ATG2A: variants seen among roughly 807,000 people sequenced by gnomAD.
ATG2A encodes the protein autophagy-related protein 2 homolog A.
In ATG2A, 103 loss-of-function variants were observed where a neutral mutation model predicts 214.2. The ratio of observed to expected loss-of-function variants is 0.48; its 90% CI spans 0.41 to 0.57. The LOEUF is 0.57. Ranked by LOEUF, ATG2A falls within the 20% of genes least tolerant of loss-of-function variation. ATG2A has a pLI of 0.00. For missense variants in ATG2A, 2,312 were observed against 2,613.2 expected (o/e 0.88, Z 2.51); for synonymous variants, 1,160 against 1,142.1 (o/e 1.02, Z -0.32).
At chr11:64,911,813 TGGAGTAC>T in intron 9 of ATG2A, 22 bp downstream of exon 9, 1 of 1,611,494 alleles carries the variant, frequency 6.2e-7, no homozygotes, top group Non-Finnish European at 8.5e-7. Flanking sequence ...TTCCTGTCCC[TGGAGTAC>T]CCCCAGGGTG....
intron 29 of ATG2A, 70 bp from the exon 30 acceptor site, chr11:64,901,162 C>T: frequency 6.9e-7 from 1 of 1,447,536 alleles, no homozygotes; most frequent in Non-Finnish European, 9.3e-7. Context: ...GCCCCAGCAA[C>T]CTGGCCTCAC....
rs570641768 is a variant in ATG2A, at chr11:64,906,656, G to A, written c.2983+9C>T. 1.2e-6 allele frequency: 2 copies of A among 1,613,364 alleles called. No homozygotes were observed. The highest frequency in any genetic ancestry group is 2.7e-5 in the African/African-American group (2 of 75,056). On this transcript the variant is annotated intron_variant, in intron 20 of 40. Transcript: ENST00000377264. ...GACCCCAGTGGTGACCTGCCCCCAG[G>A]CCTCACACCTCGGTGGTAGAGTGTT...
Position 64,909,376 on chromosome 11 carries a change from G to T in ATG2A, c.2108-9C>A. The T allele has an allele frequency of 6.2e-7, 1 of 1,609,324 alleles. No homozygotes were observed. The highest frequency in any genetic ancestry group is 8.5e-7 in the Non-Finnish European group (1 of 1,176,834). On this transcript the variant is annotated splice_polypyrimidine_tract_variant and intron_variant, in intron 14 of 40. Coordinates refer to ENST00000377264, the MANE Select transcript of ATG2A (RefSeq NM_015104.3). ...TCCATCTTCATAGATACCTGGAGGG[G>T]GATGGGGAATTAGGGGGGTCATCAC... is the stretch of plus-strand genomic sequence containing the variant.
In ATG2A at chr11:64,913,942, G is replaced by A; in HGVS notation, c.488-19C>T. ...CGAAGCACTGAGGAGTTGGGGAGGG[G>A]TCTCAGGTCAGGTAGAGCAGCAAAG... On this transcript the variant is annotated intron_variant, in intron 3 of 40. Coordinates refer to ENST00000377264, the MANE Select transcript of ATG2A (RefSeq NM_015104.3). The surrounding 1 kb of genome is among the most constrained non-coding windows in gnomAD (Gnocchi z 4.3). 4.3e-6 allele frequency: 7 copies of A among 1,612,456 alleles called. No individual in the cohort carries two copies. Among genetic ancestry groups the A allele is most frequent in the Non-Finnish European group, 5.9e-6 (7 of 1,178,952 alleles).
At chr11:64,916,464 C>T (rs1365541293) in intron 1 of ATG2A, among the ~76,000 whole-genome samples, 7 of 152,292 alleles carry the variant, frequency 4.6e-5, no homozygotes, top group Admixed American at 6.5e-5. Flanking sequence ...CATACACATC[C>T]GGTGGTTTGT....
In ATG2A at chr11:64,903,724, G is replaced by A. The variant is rs759941026; in HGVS notation, c.3465-64C>T. On this transcript the variant is annotated intron_variant, in intron 24 of 40. Transcript: ENST00000377264. This position sits in a 1 kb window ranked among gnomAD's most constrained non-coding sequence, Gnocchi z 4.2. ...TGCAGGGGGCAGCTCCACGGGAGCC[G>A]AGCAGAGGGGTCCCAAGCCCACAGG... 13 of 1,467,198 alleles carry A rather than the reference G, an allele frequency of 8.9e-6. No individual in the cohort carries two copies. The East Asian group carries it at 1.0e-4, about 11-fold the overall frequency. The allele number at this position is 1,467,198 out of a possible 1,614,324, so 90.9% of individuals were successfully genotyped here.
At position 64,907,531 on chromosome 11, in the gene ATG2A, T is replaced by A; in HGVS notation, c.2641A>T (p.Lys881Ter). ...DSFKMCKSAF[K>*]LANCFDLTPD... is the part of the protein sequence containing the mutation. ...GCGTTAGCACCTCTCATACCCAGCTTGAAGGCTGACTTGCACATCTTAAAG... is the reference window on the plus strand; with the variant it reads ...GCGTTAGCACCTCTCATACCCAGCTAGAAGGCTGACTTGCACATCTTAAAG... Residue 881 changes from lysine to a stop codon, truncating the protein, a stop_gained, in exon 18 of 41, where the codon AAG (lysine) becomes TAG (stop). Coordinates refer to ENST00000377264, the MANE Select transcript of ATG2A (RefSeq NM_015104.3). LOFTEE classifies it high-confidence loss of function. The A allele has an allele frequency of 6.2e-7, 1 of 1,610,984 alleles. No homozygotes were observed. The highest frequency in any genetic ancestry group is 8.5e-7 in the Non-Finnish European group (1 of 1,179,250).
At chr11:64,900,024 A>AT (rs774843952) in intron 31 of ATG2A, among the ~76,000 whole-genome samples, 5,446 of 71,110 alleles carry the variant, frequency 0.077, 144 homozygotes, top group South Asian at 0.14. Flanking sequence ...GCAAATGGTT[A>AT]ATTTTTTTTT....
intron 26 of ATG2A, 127 bp from the exon 27 acceptor site, chr11:64,902,807 T>G (rs1944405151): frequency 1.2e-6 from 1 of 802,198 alleles, no homozygotes; most frequent in Admixed American, 2.5e-5. Flanking sequence ...TGGTCTCTCC[T>G]GGAGTGGATG....
intron 16 of ATG2A, among the ~76,000 whole-genome samples, chr11:64,908,668 G>A (rs933002449): frequency 6.6e-6 from 1 of 152,212 alleles, no homozygotes; most frequent in Non-Finnish European, 1.5e-5. Context: ...TGATGACACA[G>A]TCACCAAGTG....
chr11:64,897,821 C>G lies in ATG2A; in HGVS notation c.4994+18G>C. The G allele has an allele frequency of 6.2e-7, 1 of 1,613,030 alleles. No homozygotes were observed. Among genetic ancestry groups the G allele is most frequent in the South Asian group, 1.1e-5 (1 of 91,000 alleles). The stretch of plus-strand genomic sequence containing the variant: ...GCAATCTGGCCCAGGGCCCCCCACC[C>G]GCAGTCCAGCAGCCTACCTGAAGTA... On this transcript the variant is annotated intron_variant, in intron 35 of 40. Transcript: ENST00000377264.
chr11:64,897,528 G>T, intron 36 of ATG2A, 34 bp from the exon 37 acceptor site: 1 of 1,589,850 alleles, frequency 6.3e-7, no homozygotes, highest in South Asian at 1.1e-5. Context: ...TTTACCCAAT[G>T]GGACTCAGGG....
At chr11:64,908,864 G>T in intron 16 of ATG2A, 127 bp downstream of exon 16, 4 of 1,014,238 alleles carry the variant, frequency 3.9e-6, no homozygotes, top group Non-Finnish European at 5.7e-6. Flanking sequence ...CACTGGTGTT[G>T]GGTCAGCTCA....
rs1230789952 is a variant in ATG2A, at chr11:64,916,974, C to T, written c.162G>A (p.Leu54=). 1.2e-6 allele frequency: 2 copies of T among 1,613,354 alleles called. No homozygotes were observed. The highest frequency in any genetic ancestry group is 3.3e-5 in the Admixed American group (2 of 60,008). ...GGGCCTGGCTCCTCACCCAGATTTC[C>T]AGGTGGATGTCTCGCAGGGCAACGC... ...KGSVALRDIH[L]EIWSVNEVLE... is the part of the protein sequence containing the mutation. Residue 54 remains leucine (L), a synonymous_variant, in exon 1 of 41, where the codon CTG becomes CTA. Coordinates refer to ENST00000377264, the MANE Select transcript of ATG2A (RefSeq NM_015104.3).
Position 64,903,348 on chromosome 11 carries a change from C to T in ATG2A, c.3552G>A (p.Leu1184=). 1 of 1,614,136 alleles carries T rather than the reference C, an allele frequency of 6.2e-7. No individual in the cohort carries two copies. Among genetic ancestry groups the T allele is most frequent in the East Asian group, 2.2e-5 (1 of 44,882 alleles). The change falls in exon 26 of 41, where the codon TTG becomes TTA. Residue 1184 remains leucine, a synonymous_variant. Transcript: ENST00000377264. This position sits in a 1 kb window ranked among gnomAD's most constrained non-coding sequence, Gnocchi z 4.2. ...TCACAAGTTCCAAGAGGTCAACATC[C>T]AAAACACAGACATAATCTGCAGCAG... ...LDLRRDYVCV[L]DVDLLELVIK...
rs994305212 is a variant in ATG2A, at chr11:64,909,359, C to T, written c.2116G>A (p.Glu706Lys). The part of the protein sequence containing the change: ...LTCSDLHGIY[E>K]DGGKPPVPCL... The stretch of plus-strand genomic sequence containing the variant: ...GGGACAGGTGGCTTCCCTCCATCTT[C>T]ATAGATACCTGGAGGGGGATGGGGA... Residue 706 changes from glutamate (E) to lysine (K), a missense_variant, in exon 15 of 41, where the codon GAA (glutamate) becomes AAA (lysine). Glu to Lys is a moderately conservative substitution (Grantham distance 56). Transcript: ENST00000377264. The T allele has an allele frequency of 1.2e-6, 2 of 1,612,812 alleles. No individual in the cohort carries two copies. The highest frequency in any genetic ancestry group is 1.7e-6 in the Non-Finnish European group (2 of 1,179,716).
chr11:64,901,173 T>C, intron 29 of ATG2A, 81 bp from the exon 30 acceptor site: 2 of 1,405,002 alleles, frequency 1.4e-6, no homozygotes, highest in Non-Finnish European at 9.6e-7. Flanking sequence ...CTGGCCTCAC[T>C]TCTTTTTCAT....
At chr11:64,900,755 G>T in intron 30 of ATG2A, 126 bp from the exon 31 acceptor site, 1 of 1,441,502 alleles carries the variant, frequency 6.9e-7, no homozygotes, top group Non-Finnish European at 9.1e-7. Context: ...GGCGGGATAA[G>T]GAAGGATGAG....
In ATG2A at chr11:64,898,477, G is replaced by A. The variant is rs757160704; in HGVS notation, c.4672-115C>T. 9.2e-6 allele frequency: 12 copies of A among 1,310,316 alleles called. No individual in the cohort carries two copies. In the Admixed American group the frequency reaches 1.3e-4, roughly 14 times the overall value. The allele number at this position is 1,310,316 out of a possible 1,614,324, so 81.2% of individuals were successfully genotyped here. On this transcript the variant is annotated intron_variant, in intron 32 of 40. Transcript: ENST00000377264. This position sits in a 1 kb window ranked among gnomAD's most constrained non-coding sequence, Gnocchi z 4.5. ...TGCCTCTGAACACGCTGTTCCCTTC[G>A]CTAACACAGCCCCTAGCTCTGCCCT...
Sources: allele counts gnomAD v4.1 joint callset (sites outside exome capture counted in the v4.1 genomes callset), GRCh38; gene constraint gnomAD v4.1.1; non-coding constraint Gnocchi (gnomAD v3.1); transcripts MANE v1.5; gene names NCBI Gene and HGNC (gene_info 2026-07-23, HGNC 2026-07-21).